The following RABEP1 variants were observed in gnomAD, a reference collection of about 807,000 sequenced individuals.
The protein encoded by RABEP1 is rab GTPase-binding effector protein 1.
In RABEP1, 51 loss-of-function variants were observed where a neutral mutation model predicts 123.4. The observed-to-expected ratio is 0.41, with a 90% CI of 0.33 to 0.52. The LOEUF is 0.52. RABEP1 is among the 20% of genes least tolerant of loss of function. The pLI, the probability that RABEP1 is intolerant of heterozygous loss-of-function variation, is 0.16. For synonymous variants in RABEP1, 347 were observed against 355.2 expected, an observed-to-expected ratio of 0.98 and a Z score of 0.26; for missense variants, 888 against 996.3, an observed-to-expected ratio of 0.89 and a Z score of 1.46.
chr17:5,287,117 T>C (rs976437192), intron 1 of RABEP1, among the ~76,000 whole-genome samples: 2 of 152,140 alleles, frequency 1.3e-5, no homozygotes, highest in Non-Finnish European at 2.9e-5. Flanking sequence ...TAGTAGGATA[T>C]GAGGTCAGAG....
Position 5,373,314 on chromosome 17 carries a change from G to A in RABEP1, c.1885G>A (p.Ala629Thr). ...TGATTAGTATCTACTTCTATTTTAG[G>A]CGGTGCTGATGCAGTCACGGGAACA... ...QAKRDVQEQMAVLMQSREQVS... is the reference protein window; with the variant it reads ...QAKRDVQEQMTVLMQSREQVS... Residue 629 changes from alanine to threonine, a missense_variant and splice_region_variant, in exon 13 of 18, where the codon GCG (alanine) becomes ACG (threonine). Physicochemically the swap from Ala to Thr is moderately conservative, Grantham distance 58 (BLOSUM62 0). Transcript: ENST00000537505. 1 of 1,611,650 alleles carries A rather than the reference G, an allele frequency of 6.2e-7. No homozygotes were observed. The highest frequency in any genetic ancestry group is 8.5e-7 in the Non-Finnish European group (1 of 1,179,112).
At chr17:5,381,308 G>A in intron 16 of RABEP1, 81 bp from the exon 17 acceptor site, 1 of 1,552,220 alleles carries the variant, frequency 6.4e-7, no homozygotes, top group South Asian at 1.3e-5. Flanking sequence ...TGCCCTAGTA[G>A]TAGGTAACTA....
intron 12 of RABEP1, 79 bp from the exon 13 acceptor site, chr17:5,373,235 G>T: frequency 1.4e-6 from 2 of 1,406,732 alleles, no homozygotes; most frequent in Non-Finnish European, 9.6e-7. Context: ...CTTTAGTTTG[G>T]ACTTGTTTTT....
chr17:5,319,427 C>CGCAATCTCGGCTCACT (rs1217327952), intron 2 of RABEP1, among the ~76,000 whole-genome samples: 9 of 151,740 alleles, frequency 5.9e-5, no homozygotes. Flanking sequence ...AGTGCAGTGC[C>CGCAATCTCGGCTCACT]GCAATCTCGG....
intron 1 of RABEP1, among the ~76,000 whole-genome samples, chr17:5,290,349 A>G (rs1183456586): frequency 6.6e-6 from 1 of 152,130 alleles, no homozygotes; most frequent in Non-Finnish European, 1.5e-5. Context: ...TGGCCTCCCA[A>G]AATGCTGGGA....
At chr17:5,381,569 A>G (rs747863461) in intron 17 of RABEP1, 64 bp downstream of exon 17, 15 of 1,543,762 alleles carry the variant, frequency 9.7e-6, no homozygotes, top group Non-Finnish European at 1.3e-5. Context: ...AACCTTGCCG[A>G]TCCCTGACTT....
chr17:5,349,044 A>G lies in RABEP1; in HGVS notation c.785-1407A>G, dbSNP rs80079657. ...CTGTACCCATTTACTGTCATTTCCT[A>G]TGTCTCTACCTCCAGCCCTTGGCAA... On this transcript the variant is annotated intron_variant, in intron 6 of 17. Coordinates refer to ENST00000537505, the MANE Select transcript of RABEP1 (RefSeq NM_004703.6). Among the ~76,000 whole-genome samples the G allele has an allele frequency of 2.7e-4, 41 of 152,204 alleles. No homozygotes were observed. In the South Asian group the frequency reaches 5.2e-3, roughly 19 times the overall value.
chr17:5,386,130 A>C lies in RABEP1; in HGVS notation c.*2907A>C, dbSNP rs1911941754. 2.8e-6 allele frequency: 3 copies of C among 1,086,770 alleles called. No individual in the cohort carries two copies. The South Asian group carries it at 4.5e-5, about 16-fold the overall frequency. The allele number at this position is 1,086,770 out of a possible 1,614,324, so 67.3% of individuals were successfully genotyped here. Reference sequence around the variant, plus strand: ...CAAAACACCTTTTTATAAATTAGATAATTCTACCTGTTTTACAATATGGGT... The same window carrying C: ...CAAAACACCTTTTTATAAATTAGATCATTCTACCTGTTTTACAATATGGGT... On this transcript the variant is annotated 3_prime_UTR_variant, in exon 18 of 18. Transcript: ENST00000537505.
At chr17:5,338,878 C>T (rs992859119) in intron 5 of RABEP1, among the ~76,000 whole-genome samples, 3 of 152,024 alleles carry the variant, frequency 2.0e-5, no homozygotes, top group Non-Finnish European at 2.9e-5. Context: ...AGGAACAGGC[C>T]AGGTGTTGTG....
intron 3 of RABEP1, among the ~76,000 whole-genome samples, chr17:5,334,612 C>T (rs1306753764): frequency 2.0e-5 from 3 of 152,150 alleles, no homozygotes; most frequent in Non-Finnish European, 2.9e-5. Context: ...GTGATCTGCC[C>T]GTCTGCCTCC....
At chr17:5,351,732 C>A (rs1169091166) in intron 7 of RABEP1, among the ~76,000 whole-genome samples, 1 of 152,030 alleles carries the variant, frequency 6.6e-6, no homozygotes, top group African/African-American at 2.4e-5. Flanking sequence ...ATCCGGGAGG[C>A]GGAGGCTGCA....
intron 1 of RABEP1, among the ~76,000 whole-genome samples, chr17:5,298,522 C>G (rs2075103620): frequency 1.3e-5 from 2 of 152,130 alleles, no homozygotes; most frequent in Admixed American, 6.6e-5. Context: ...TGTGTATGTG[C>G]ATAATGCCTC....
chr17:5,332,722 C>T (rs1385960104), intron 3 of RABEP1, among the ~76,000 whole-genome samples: 1 of 151,214 alleles, frequency 6.6e-6, no homozygotes, highest in Non-Finnish European at 1.5e-5. Context: ...GATTCTCCTG[C>T]CTCAGCCTCC....
intron 13 of RABEP1, among the ~76,000 whole-genome samples, chr17:5,376,793 T>A (rs947682464): frequency 6.6e-6 from 1 of 152,218 alleles, no homozygotes; most frequent in African/African-American, 2.4e-5. Context: ...CTGCAAGTAA[T>A]AGTAGAGGAT....
rs540438381 is a variant in RABEP1, at chr17:5,313,096, C to T, written c.163+4274C>T. Among the ~76,000 whole-genome samples the T allele has an allele frequency of 3.3e-5, 5 of 152,080 alleles. No individual in the cohort carries two copies. In the East Asian group the frequency reaches 5.8e-4, roughly 18 times the overall value. On this transcript the variant is annotated intron_variant, in intron 2 of 17. Coordinates refer to ENST00000537505, the MANE Select transcript of RABEP1 (RefSeq NM_004703.6). ...CTGCACTCCAGCCTGGTCGACAGAG[C>T]GAGACTCTGTCTCAAGAGAAATAAG...
At chr17:5,284,966 G>A (rs1210823169) in intron 1 of RABEP1, among the ~76,000 whole-genome samples, 1 of 150,976 alleles carries the variant, frequency 6.6e-6, no homozygotes, top group African/African-American at 2.4e-5. Context: ...GATTGTCTTT[G>A]ATGACTTTTT....
chr17:5,367,245 T>TACACACACACACACACAC (rs145302611), intron 11 of RABEP1, among the ~76,000 whole-genome samples: 4 of 147,666 alleles, frequency 2.7e-5, no homozygotes, highest in African/African-American at 1.0e-4. Context: ...AGAACTTAGA[T>TACACACACACACACACAC]ACACACACAC....
chr17:5,287,009 G>A (rs2074985032), intron 1 of RABEP1, among the ~76,000 whole-genome samples: 1 of 152,192 alleles, frequency 6.6e-6, no homozygotes, highest in South Asian at 2.1e-4. Context: ...ATCAGTTTTT[G>A]CATATGCCTT....
intron 2 of RABEP1, among the ~76,000 whole-genome samples, chr17:5,328,942 A>C (rs977988741): frequency 6.6e-6 from 1 of 151,844 alleles, no homozygotes; most frequent in Non-Finnish European, 1.5e-5. Context: ...CAAAAAAAAA[A>C]AAATAAATTA....
Sources: gnomAD v4.1 joint callset for allele counts (sites outside exome capture counted in the v4.1 genomes callset) on GRCh38, gnomAD v4.1.1 for gene constraint, MANE v1.5 for transcripts, NCBI Gene and HGNC (gene_info 2026-07-23, HGNC 2026-07-21) for gene names.